The following PABPC4L variants were observed in gnomAD, a reference collection of about 807,000 sequenced individuals.
PABPC4L encodes polyadenylate-binding protein 4-like.
For missense variants in PABPC4L, 452 were observed against 451.4 expected (o/e 1.00, Z -0.01); for synonymous variants, 169 against 164.1 (o/e 1.03, Z -0.23).
At chr4:133,965,266 G>A in the PABPC4L span, among the ~76,000 whole-genome samples, 2 of 151,986 alleles carry the variant, frequency 1.3e-5, no homozygotes, top group Non-Finnish European at 2.9e-5. Context: ...TAACCAAGGA[G>A]GTGAAAGACC....
the PABPC4L span, among the ~76,000 whole-genome samples, chr4:134,072,835 A>G: frequency 3.3e-5 from 5 of 152,074 alleles, no homozygotes; most frequent in African/African-American, 4.8e-5. Context: ...GACGAGCACA[A>G]GGGGGAAATG....
At chr4:134,038,325 T>C in the PABPC4L span, among the ~76,000 whole-genome samples, 2 of 152,176 alleles carry the variant, frequency 1.3e-5, no homozygotes, top group African/African-American at 4.8e-5. Flanking sequence ...ATCAGGATGA[T>C]ACTGGCCTCG....
chr4:134,198,695 A>C lies in PABPC4L; in HGVS notation c.*1212T>G, dbSNP rs1229524987. 6.6e-6 allele frequency: 1 copy of C among 151,974 alleles called. No individual in the cohort carries two copies. The highest frequency in any genetic ancestry group is 6.6e-5 in the Admixed American group (1 of 15,254). The allele number at this position is 151,974 out of a possible 1,614,324, so 9.4% of individuals were successfully genotyped here. A position where few individuals can be genotyped will look rare whatever the true frequency, so the allele number is the denominator to read the frequency against. On this transcript the variant is annotated 3_prime_UTR_variant, in exon 2 of 2. Coordinates refer to ENST00000421491, the MANE Select transcript of PABPC4L (RefSeq NM_001114734.2). ...AAATGGATTTGAAGCAGCACATATTAAAAGCCAACATAAAAAAATCCTTTA... is the reference window on the plus strand; with the variant it reads ...AAATGGATTTGAAGCAGCACATATTCAAAGCCAACATAAAAAAATCCTTTA...
At chr4:134,086,527 A>G in the PABPC4L span, among the ~76,000 whole-genome samples, 2 of 151,748 alleles carry the variant, frequency 1.3e-5, no homozygotes, top group African/African-American at 2.4e-5. Flanking sequence ...TTTTTTTATC[A>G]AAAGAAGTGG....
chr4:134,168,850 A>G, the PABPC4L span, among the ~76,000 whole-genome samples: 1 of 152,078 alleles, frequency 6.6e-6, no homozygotes, highest in African/African-American at 2.4e-5. Context: ...AAGATGAAAT[A>G]AAATCAATCC....
Position 134,198,278 on chromosome 4 carries a change from T to C in PABPC4L, c.*1629A>G, listed in dbSNP as rs558154614. On this transcript the variant is annotated 3_prime_UTR_variant, in exon 2 of 2. Coordinates refer to ENST00000421491, the MANE Select transcript of PABPC4L (RefSeq NM_001114734.2). ...AGAGAGAGAAAAAAATAGAAAAATA[T>C]GTAACAAATTATAATAGGGAATTGG... 6 of 151,616 alleles carry C rather than the reference T, an allele frequency of 4.0e-5. No homozygotes were observed. Among genetic ancestry groups the C allele is most frequent in the Non-Finnish European group, 8.9e-5 (6 of 67,686 alleles). The allele number at this position is 151,616 out of a possible 1,614,324, so 9.4% of individuals were successfully genotyped here.
At chr4:134,083,802 T>A in the PABPC4L span, among the ~76,000 whole-genome samples, 1 of 152,124 alleles carries the variant, frequency 6.6e-6, no homozygotes, top group Non-Finnish European at 1.5e-5. Flanking sequence ...CTAGACCACT[T>A]TATGCTGAAA....
At chr4:133,960,924 G>A in the PABPC4L span, among the ~76,000 whole-genome samples, 2 of 152,184 alleles carry the variant, frequency 1.3e-5, no homozygotes, top group South Asian at 2.1e-4. Flanking sequence ...CCCAAGGAGA[G>A]TCTGAGCTCA....
the PABPC4L span, among the ~76,000 whole-genome samples, chr4:134,017,300 T>C: frequency 6.6e-6 from 1 of 152,158 alleles, no homozygotes; most frequent in Non-Finnish European, 1.5e-5. Flanking sequence ...GTCCTCGGAA[T>C]GCTACAGGGT....
the PABPC4L span, among the ~76,000 whole-genome samples, chr4:134,129,354 C>A: frequency 6.6e-6 from 1 of 152,038 alleles, no homozygotes; most frequent in African/African-American, 2.4e-5. Flanking sequence ...ACATTCTACC[C>A]AACAGCTGCA....
At chr4:134,172,296 A>G in the PABPC4L span, among the ~76,000 whole-genome samples, 2 of 152,086 alleles carry the variant, frequency 1.3e-5, no homozygotes, top group Non-Finnish European at 2.9e-5. Context: ...CCAAAACAGC[A>G]TGGTACTGGT....
At chr4:134,104,165 T>G in the PABPC4L span, among the ~76,000 whole-genome samples, 1 of 151,764 alleles carries the variant, frequency 6.6e-6, no homozygotes, top group Non-Finnish European at 1.5e-5. Context: ...GCTGGTCTCC[T>G]GAATGTGAAT....
chr4:134,026,379 G>A, the PABPC4L span, among the ~76,000 whole-genome samples: 1 of 151,852 alleles, frequency 6.6e-6, no homozygotes, highest in Non-Finnish European at 1.5e-5. Context: ...GGGACTACAG[G>A]TGCACACCAC....
At chr4:134,017,841 C>T in the PABPC4L span, among the ~76,000 whole-genome samples, 40 of 152,078 alleles carry the variant, frequency 2.6e-4, 1 homozygote, top group African/African-American at 9.7e-4. Flanking sequence ...CCCATGCCGC[C>T]CCTAATCCCG....
the PABPC4L span, among the ~76,000 whole-genome samples, chr4:134,158,387 A>G: frequency 6.6e-6 from 1 of 152,136 alleles, no homozygotes. Flanking sequence ...AATTGTTTTT[A>G]TATTCTACAG....
the PABPC4L span, among the ~76,000 whole-genome samples, chr4:134,183,921 C>CGT: frequency 7.6e-3 from 1,125 of 148,438 alleles, 8 homozygotes; most frequent in Non-Finnish European, 0.011. Flanking sequence ...TGTGTGTGTG[C>CGT]GTGTGTGTGT....
chr4:133,958,519 T>C, the PABPC4L span, among the ~76,000 whole-genome samples: 1 of 152,340 alleles, frequency 6.6e-6, no homozygotes, highest in East Asian at 1.9e-4. Flanking sequence ...AGTGCCCCAC[T>C]ACTCCTGGCA....
downstream of PABPC4L, among the ~76,000 whole-genome samples, chr4:134,194,207 G>A (rs1171159551): frequency 6.6e-6 from 1 of 151,792 alleles, no homozygotes; most frequent in Admixed American, 6.6e-5. Flanking sequence ...AAGTAGAGAG[G>A]GAAATGGGAG....
chr4:134,016,052 A>G, the PABPC4L span, among the ~76,000 whole-genome samples: 2 of 151,678 alleles, frequency 1.3e-5, no homozygotes, highest in Non-Finnish European at 2.9e-5. Flanking sequence ...CGTTCACCCC[A>G]TTTCCCCACA....
Sources: allele counts gnomAD v4.1 joint callset (sites outside exome capture counted in the v4.1 genomes callset), GRCh38; gene constraint gnomAD v4.1.1; transcripts MANE v1.5; gene names NCBI Gene and HGNC (gene_info 2026-07-23, HGNC 2026-07-21).